The following SIK2 variants were observed in gnomAD, a reference collection of about 807,000 sequenced individuals.
The protein encoded by SIK2 is serine/threonine-protein kinase SIK2.
SIK2 carries 29 observed loss-of-function variants against 103.2 expected under a neutral mutation model. The observed-to-expected ratio is 0.28, with a 90% CI of 0.21 to 0.38. The LOEUF (loss-of-function observed/expected upper bound fraction) is 0.38, where lower values mean the gene tolerates loss of function less well. Among genes scored for constraint, SIK2 ranks in the 10% least tolerant of loss-of-function variants. SIK2 has a pLI of 1.00. For synonymous variants in SIK2, 412 were observed against 446.1 expected, an observed-to-expected ratio of 0.92 and a Z score of 0.96; for missense variants, 879 against 1,171.0, an observed-to-expected ratio of 0.75 and a Z score of 3.64.
Position 111,612,915 on chromosome 11 carries a change from G to GATAGAT in SIK2, c.136-3325_136-3324insGATATA, listed in dbSNP as rs1312727269. 7.3e-3 allele frequency among the ~76,000 whole-genome samples: 364 copies of GATAGAT among 49,986 alleles called. 7 individuals carry two copies. Among genetic ancestry groups the GATAGAT allele is most frequent in the African/African-American group, 0.022 (355 of 15,810 alleles). 32.8% of individuals were successfully genotyped at this position (49,986 alleles called of 152,430 possible). A position where few individuals can be genotyped will look rare whatever the true frequency, so the allele number is the denominator to read the frequency against. On this transcript the variant is annotated intron_variant, in intron 1 of 14. Coordinates refer to ENST00000304987, the MANE Select transcript of SIK2 (RefSeq NM_015191.3). Reference sequence around the variant, plus strand: ...CCTTAGAAACAAGGGATAGCAATGGGATATATATATATATATATATATATA... The same window carrying GATAGAT: ...CCTTAGAAACAAGGGATAGCAATGGGATAGATATATATATATATATATATATATATA...
At chr11:111,655,809 C>T (rs1320368291) in intron 3 of SIK2, among the ~76,000 whole-genome samples, 1 of 152,124 alleles carries the variant, frequency 6.6e-6, no homozygotes, top group African/African-American at 2.4e-5. Context: ...AAGAATGTTT[C>T]TTATTTATAT....
chr11:111,630,803 G>T (rs1388494817), intron 3 of SIK2, among the ~76,000 whole-genome samples: 1 of 152,174 alleles, frequency 6.6e-6, no homozygotes, highest in Non-Finnish European at 1.5e-5. Flanking sequence ...GCTACAACCA[G>T]ATTTCAAGAG....
At chr11:111,658,676 G>A (rs1278605542) in intron 3 of SIK2, among the ~76,000 whole-genome samples, 4 of 152,072 alleles carry the variant, frequency 2.6e-5, no homozygotes, top group African/African-American at 9.7e-5. Context: ...CGGTGATCAA[G>A]GATGCAGTGA....
At position 111,723,991 on chromosome 11, in the gene SIK2, C is replaced by T. The variant is rs1423850663; in HGVS notation, c.2643C>T (p.Asp881=). 1 of 1,614,214 alleles carries T rather than the reference C, an allele frequency of 6.2e-7. No individual in the cohort carries two copies. Among genetic ancestry groups the T allele is most frequent in the East Asian group, 2.2e-5 (1 of 44,890 alleles). ...AGCAGAGCGACCTAACGGGGCCAGACTGTCCCAGAAGCCCAGGACTGCAAG... is the reference window on the plus strand; with the variant it reads ...AGCAGAGCGACCTAACGGGGCCAGATTGTCCCAGAAGCCCAGGACTGCAAG... ...GAQQSDLTGP[D]CPRSPGLQEA... is the part of the protein sequence containing the mutation. The change falls in exon 15 of 15, where the codon GAC becomes GAT. Residue 881 remains aspartate (D), a synonymous_variant. Coordinates refer to ENST00000304987, the MANE Select transcript of SIK2 (RefSeq NM_015191.3).
intron 3 of SIK2, among the ~76,000 whole-genome samples, chr11:111,631,596 G>A (rs1479790604): frequency 2.0e-5 from 3 of 152,082 alleles, no homozygotes; most frequent in East Asian, 3.8e-4. Flanking sequence ...TAATAGAAGA[G>A]TGGAGAGACT....
At chr11:111,672,586 TC>T (rs1348819788) in intron 3 of SIK2, among the ~76,000 whole-genome samples, 1 of 152,224 alleles carries the variant, frequency 6.6e-6, no homozygotes, top group Non-Finnish European at 1.5e-5. Flanking sequence ...ATTTTTTTTT[TC>T]CTTCCACTAG....
intron 3 of SIK2, among the ~76,000 whole-genome samples, chr11:111,649,368 C>T (rs1187617771): frequency 1.3e-5 from 2 of 152,044 alleles, no homozygotes; most frequent in Non-Finnish European, 2.9e-5. Context: ...GGTAACATCT[C>T]ACTATAAATG....
At chr11:111,638,858 A>ATTT (rs1290136501) in intron 3 of SIK2, among the ~76,000 whole-genome samples, 1 of 151,372 alleles carries the variant, frequency 6.6e-6, no homozygotes, top group African/African-American at 2.4e-5. Context: ...GGTATGTTTA[A>ATTT]TTTTTTGTTG....
intron 3 of SIK2, among the ~76,000 whole-genome samples, chr11:111,629,952 T>C (rs1382884544): frequency 6.6e-6 from 1 of 152,160 alleles, no homozygotes; most frequent in Non-Finnish European, 1.5e-5. Flanking sequence ...CACGCAACAA[T>C]TCAATTCCTA....
intron 3 of SIK2, among the ~76,000 whole-genome samples, chr11:111,666,942 AT>A (rs1222407699): frequency 7.6e-5 from 9 of 118,614 alleles, no homozygotes; most frequent in South Asian, 3.3e-4. Flanking sequence ...TTTTTATTTT[AT>A]TTTATTTATT....
At chr11:111,684,632 A>G (rs1175193247) in intron 3 of SIK2, among the ~76,000 whole-genome samples, 1 of 152,214 alleles carries the variant, frequency 6.6e-6, no homozygotes, top group Non-Finnish European at 1.5e-5. Context: ...AAAGGTCCGT[A>G]TTTATAGTGG....
intron 3 of SIK2, among the ~76,000 whole-genome samples, chr11:111,674,800 GCAGTGGTGCAGTCTCGGCTC>G (rs1942681003): frequency 6.6e-6 from 1 of 150,986 alleles, no homozygotes; most frequent in Admixed American, 6.6e-5. Flanking sequence ...AGGCTGGAAT[GCAGTGGTGCAGTCTCGGCTC>G]ACTGCAACCT....
chr11:111,700,254 C>T (rs1207603433), intron 4 of SIK2, among the ~76,000 whole-genome samples: 3 of 152,124 alleles, frequency 2.0e-5, no homozygotes, highest in Admixed American at 6.5e-5. Context: ...AATGCCACTG[C>T]GATCCATAAA....
chr11:111,650,382 C>T (rs1942312436), intron 3 of SIK2, among the ~76,000 whole-genome samples: 2 of 152,096 alleles, frequency 1.3e-5, no homozygotes, highest in African/African-American at 4.8e-5. Flanking sequence ...ATTTCAACCT[C>T]TGCATTAAAA....
chr11:111,700,783 A>C, intron 4 of SIK2, 103 bp from the exon 5 acceptor site: 1 of 1,379,646 alleles, frequency 7.2e-7, no homozygotes. Context: ...CACAGTAAAT[A>C]GTAGTGATAT....
At chr11:111,639,528 A>G (rs1942153689) in intron 3 of SIK2, among the ~76,000 whole-genome samples, 2 of 152,220 alleles carry the variant, frequency 1.3e-5, no homozygotes, top group Admixed American at 6.5e-5. Flanking sequence ...AATCCGATTC[A>G]TGTTACAACA....
intron 4 of SIK2, among the ~76,000 whole-genome samples, chr11:111,693,832 A>C (rs1943006163): frequency 6.6e-6 from 1 of 152,206 alleles, no homozygotes; most frequent in African/African-American, 2.4e-5. Flanking sequence ...ATTGGTGATA[A>C]TATTGGAGAC....
intron 3 of SIK2, among the ~76,000 whole-genome samples, chr11:111,678,894 C>T (rs932355193): frequency 6.6e-6 from 1 of 152,158 alleles, no homozygotes; most frequent in African/African-American, 2.4e-5. Flanking sequence ...TAAGGTATGA[C>T]TCTCCCAGCA....
intron 1 of SIK2, among the ~76,000 whole-genome samples, chr11:111,611,085 AATGTGTGTGT>A (rs1311693802): frequency 4.5e-5 from 6 of 134,800 alleles, no homozygotes; most frequent in East Asian, 2.0e-4. Context: ...CTCTCGACCA[AATGTGTGTGT>A]GTGTGTGTGT....
Sources: gnomAD v4.1 joint callset for allele counts (sites outside exome capture counted in the v4.1 genomes callset) on GRCh38, gnomAD v4.1.1 for gene constraint, MANE v1.5 for transcripts, NCBI Gene and HGNC (gene_info 2026-07-23, HGNC 2026-07-21) for gene names.